Variants in MAML2 observed in about 807,000 individuals in gnomAD.
The protein encoded by MAML2 is mastermind-like protein 2.
In MAML2, 22 loss-of-function variants were observed where a neutral mutation model predicts 96.1. The ratio of observed to expected loss-of-function variants is 0.23; its 90% CI spans 0.16 to 0.33. MAML2 has a LOEUF of 0.33. Ranked by LOEUF, MAML2 falls within the 10% of genes least tolerant of loss-of-function variation. The pLI is 1.00. For synonymous variants in MAML2, 561 were observed against 521.3 expected (o/e 1.08, Z -1.04); for missense variants, 1,367 against 1,392.4 (o/e 0.98, Z 0.29).
chr11:96,117,851 T>C (rs1016682905), intron 1 of MAML2, among the ~76,000 whole-genome samples: 1 of 152,204 alleles, frequency 6.6e-6, no homozygotes, highest in African/African-American at 2.4e-5. Context: ...TAATTTGGTC[T>C]AGGGCTCTGC....
At chr11:96,245,950 C>A (rs1862506528) in intron 1 of MAML2, among the ~76,000 whole-genome samples, 1 of 151,908 alleles carries the variant, frequency 6.6e-6, no homozygotes, top group South Asian at 2.1e-4. Flanking sequence ...TGATCTGCCC[C>A]CCTCGACCTC....
intron 1 of MAML2, among the ~76,000 whole-genome samples, chr11:96,119,812 TTTTA>T (rs1457295043): frequency 6.6e-6 from 1 of 152,226 alleles, no homozygotes; most frequent in Non-Finnish European, 1.5e-5. Flanking sequence ...TTTGTAATAA[TTTTA>T]TTTATTTAAA....
At chr11:96,148,853 T>G (rs192588699) in intron 1 of MAML2, among the ~76,000 whole-genome samples, 1 of 152,330 alleles carries the variant, frequency 6.6e-6, no homozygotes, top group Admixed American at 6.5e-5. Flanking sequence ...GACAAAGCTT[T>G]AAGTCCATCT....
chr11:96,292,909 GCA>G (rs1863235046), intron 1 of MAML2, among the ~76,000 whole-genome samples: 2 of 151,374 alleles, frequency 1.3e-5, no homozygotes, highest in Admixed American at 1.3e-4. Context: ...CACAAAAGAG[GCA>G]TATGTAGGTC....
chr11:96,310,720 T>C lies in MAML2; in HGVS notation c.513+30663A>G, dbSNP rs578003536. On this transcript the variant is annotated intron_variant, in intron 1 of 4. Transcript: ENST00000524717. The stretch of plus-strand genomic sequence containing the variant: ...ACTCTTCACGCAAGTCAATTCAAAT[T>C]AAGTCACTGTGCCTCTCTGAGCCTC... Among the ~76,000 whole-genome samples, 275 of 152,278 alleles carry C rather than the reference T, an allele frequency of 1.8e-3. 2 individuals are homozygous for C. The highest frequency in any genetic ancestry group is 3.7e-3 in the Non-Finnish European group (249 of 68,010).
intron 3 of MAML2, among the ~76,000 whole-genome samples, chr11:95,989,747 C>A (rs1055633989): frequency 6.6e-6 from 1 of 152,156 alleles, no homozygotes; most frequent in African/African-American, 2.4e-5. Context: ...CTGTGACTCC[C>A]TTAAACCTTA....
chr11:96,202,393 T>C (rs1278328553), intron 1 of MAML2, among the ~76,000 whole-genome samples: 1 of 151,804 alleles, frequency 6.6e-6, no homozygotes, highest in East Asian at 1.9e-4. Flanking sequence ...GCAGTTTTAT[T>C]GGAGTAACCA....
At chr11:96,287,952 G>A (rs1284442621) in intron 1 of MAML2, among the ~76,000 whole-genome samples, 3 of 152,120 alleles carry the variant, frequency 2.0e-5, no homozygotes, top group Admixed American at 6.6e-5. Context: ...GCAGTGGAAC[G>A]GAGACACTGA....
intron 1 of MAML2, among the ~76,000 whole-genome samples, chr11:96,123,494 C>T (rs1036147636): frequency 1.3e-5 from 2 of 152,230 alleles, no homozygotes; most frequent in Non-Finnish European, 2.9e-5. Context: ...ATAGCCCACA[C>T]GTGTCTAGCT....
intron 1 of MAML2, among the ~76,000 whole-genome samples, chr11:96,305,408 G>T (rs1380401836): frequency 1.3e-5 from 2 of 152,146 alleles, no homozygotes; most frequent in Non-Finnish European, 1.5e-5. Context: ...ATACCACTCT[G>T]GTGGAGGATG....
chr11:96,146,983 A>C (rs1399741569), intron 1 of MAML2, among the ~76,000 whole-genome samples: 2 of 152,190 alleles, frequency 1.3e-5, no homozygotes, highest in Non-Finnish European at 2.9e-5. Context: ...ATGAGACTTG[A>C]GTTCAACCTT....
chr11:96,190,392 A>G (rs1015058925), intron 1 of MAML2, among the ~76,000 whole-genome samples: 3 of 152,222 alleles, frequency 2.0e-5, no homozygotes, highest in African/African-American at 7.2e-5. Context: ...ACTGGCCCAC[A>G]GAATCCATGA....
intron 2 of MAML2, among the ~76,000 whole-genome samples, chr11:96,050,869 A>AC (rs1858979194): frequency 6.7e-6 from 1 of 148,246 alleles, no homozygotes; most frequent in Non-Finnish European, 1.5e-5. Context: ...ATCATTTGGC[A>AC]CCCGAGCTTC....
chr11:96,175,596 T>C lies in MAML2; in HGVS notation c.514-82079A>G, dbSNP rs144675936. ...AAATCTCAGTTCTTTTGTTTTGTTT[T>C]GTTTTTTTTTAGATGGAGTGTCACC... On this transcript the variant is annotated intron_variant, in intron 1 of 4. Coordinates refer to ENST00000524717, the MANE Select transcript of MAML2 (RefSeq NM_032427.4). 2.9e-3 allele frequency among the ~76,000 whole-genome samples: 449 copies of C among 152,274 alleles called. 9 individuals carry two copies. The highest frequency in any genetic ancestry group is 0.019 in the Admixed American group (290 of 15,302).
At chr11:95,983,003 T>A (rs113847205) in intron 4 of MAML2, among the ~76,000 whole-genome samples, 189 of 152,332 alleles carry the variant, frequency 1.2e-3, no homozygotes, top group African/African-American at 4.2e-3. Flanking sequence ...TAAATGTTTT[T>A]ACTATGCTTT....
At chr11:96,139,198 A>G (rs1860691114) in intron 1 of MAML2, among the ~76,000 whole-genome samples, 1 of 152,096 alleles carries the variant, frequency 6.6e-6, no homozygotes, top group South Asian at 2.1e-4. Flanking sequence ...CCACTGAAAA[A>G]AGACAGTGGT....
At chr11:96,023,246 G>A (rs973830415) in intron 2 of MAML2, among the ~76,000 whole-genome samples, 1 of 152,152 alleles carries the variant, frequency 6.6e-6, no homozygotes, top group South Asian at 2.1e-4. Context: ...ATTTGCAGTC[G>A]CGATGGGCAG....
At chr11:96,039,622 C>A (rs1858774436) in intron 2 of MAML2, among the ~76,000 whole-genome samples, 1 of 151,996 alleles carries the variant, frequency 6.6e-6, no homozygotes. Context: ...CCAGAAGTAG[C>A]CTTGAAAAAG....
intron 1 of MAML2, among the ~76,000 whole-genome samples, chr11:96,268,780 G>GGAGTC: frequency 2.8e-5 from 3 of 108,198 alleles, no homozygotes; most frequent in African/African-American, 8.2e-5. Context: ...ACGATCTGTT[G>GGAGTC]TCTGCCGCCA....
Sources: allele counts gnomAD v4.1 joint callset (sites outside exome capture counted in the v4.1 genomes callset), GRCh38; gene constraint gnomAD v4.1.1; transcripts MANE v1.5; gene names NCBI Gene and HGNC (gene_info 2026-07-23, HGNC 2026-07-21).